ATP5PF: variants seen among roughly 807,000 people sequenced by gnomAD.
The protein encoded by ATP5PF is ATP synthase peripheral stalk subunit F6, mitochondrial.
In ATP5PF, 7 loss-of-function variants were observed where a neutral mutation model predicts 12.0. That is an observed-to-expected ratio of 0.58 (90% CI 0.33 to 1.10). The LOEUF (loss-of-function observed/expected upper bound fraction) is 1.10, where lower values mean the gene tolerates loss of function less well. ATP5PF is among the 50% of genes least tolerant of loss of function. The pLI is 0.03. For missense variants in ATP5PF, 120 were observed against 127.7 expected (o/e 0.94, Z 0.29); for synonymous variants, 41 against 45.4 (o/e 0.90, Z 0.39).
intron 1 of ATP5PF, among the ~76,000 whole-genome samples, chr21:25,730,238 G>A (rs2123449374): frequency 6.6e-6 from 1 of 152,294 alleles, no homozygotes; most frequent in East Asian, 1.9e-4. Flanking sequence ...CAGGCCCACA[G>A]AGGGAGAAAC....
intron 1 of ATP5PF, 49 bp from the exon 2 acceptor site, chr21:25,729,850 C>A (rs2123448517): frequency 3.2e-6 from 5 of 1,565,930 alleles, no homozygotes; most frequent in Non-Finnish European, 4.3e-6. Context: ...TATTATAAAT[C>A]ACCTCTAAAT....
At chr21:25,729,956 C>T (rs2034716777) in intron 1 of ATP5PF, among the ~76,000 whole-genome samples, 155 bp from the exon 2 acceptor site, 1 of 152,150 alleles carries the variant, frequency 6.6e-6, no homozygotes, top group South Asian at 2.1e-4. Context: ...CTCCTTATTC[C>T]CCATTGCAAG....
chr21:25,734,976 G>T (rs1240496120), upstream of ATP5PF: 1 of 1,563,084 alleles, frequency 6.4e-7, no homozygotes, highest in Non-Finnish European at 8.6e-7. Context: ...CGTTTCAGTC[G>T]GTCGACGCTC....
At chr21:25,725,146 A>AGTTCTCT in intron 3 of ATP5PF, 80 bp downstream of exon 3, 9 of 1,513,786 alleles carry the variant, frequency 5.9e-6, no homozygotes, top group Non-Finnish European at 8.0e-6. Context: ...ACTGTCATTC[A>AGTTCTCT]GTTCTCTAAA....
Position 25,727,842 on chromosome 21 carries a change from G to T in ATP5PF, c.164+1789C>A, listed in dbSNP as rs189444573. On this transcript the variant is annotated intron_variant, in intron 2 of 3. Coordinates refer to ENST00000284971, the MANE Select transcript of ATP5PF (RefSeq NM_001003703.2). Reference sequence around the variant, plus strand: ...TTGGCAAATTCTAACTTTCAGCCTTGGTTTTCTCATATATAAAATTGGGGT... The same window carrying T: ...TTGGCAAATTCTAACTTTCAGCCTTTGTTTTCTCATATATAAAATTGGGGT... Among the ~76,000 whole-genome samples, 3 of 152,220 alleles carry T rather than the reference G, an allele frequency of 2.0e-5. No homozygotes were observed. The East Asian group carries it at 5.8e-4, about 29-fold the overall frequency.
At position 25,724,635 on chromosome 21, in the gene ATP5PF, T is replaced by C. The variant is rs747217889; in HGVS notation, c.*5A>G. The C allele has an allele frequency of 2.5e-6, 4 of 1,602,700 alleles. No individual in the cohort carries two copies. In the African/African-American group the frequency reaches 5.4e-5, roughly 22 times the overall value. Reference sequence around the variant, plus strand: ...AAATTACCAGATTAATTTTACTTTATTTCTTCAGGCCTGGGGTTTTTCGAT... The same window carrying C: ...AAATTACCAGATTAATTTTACTTTACTTCTTCAGGCCTGGGGTTTTTCGAT... On this transcript the variant is annotated 3_prime_UTR_variant, in exon 4 of 4. Coordinates refer to ENST00000284971, the MANE Select transcript of ATP5PF (RefSeq NM_001003703.2).
chr21:25,735,275 T>C (rs1050177710), upstream of ATP5PF: 5 of 445,824 alleles, frequency 1.1e-5, no homozygotes, highest in African/African-American at 9.9e-5. Flanking sequence ...AGTGAGACTG[T>C]GTAAAACAAA....
intron 3 of ATP5PF, 96 bp from the exon 4 acceptor site, chr21:25,724,773 T>A: frequency 7.8e-7 from 1 of 1,281,672 alleles, no homozygotes; most frequent in Non-Finnish European, 1.1e-6. Context: ...TTTTCTGATT[T>A]TTTTAGTAAA....
chr21:25,733,275 A>C (rs992819552), intron 1 of ATP5PF, among the ~76,000 whole-genome samples: 3 of 152,128 alleles, frequency 2.0e-5, no homozygotes, highest in Non-Finnish European at 2.9e-5. Flanking sequence ...CACGCTTGTA[A>C]TCCCAGCACT....
chr21:25,735,113 T>C, upstream of ATP5PF: 1 of 752,948 alleles, frequency 1.3e-6, no homozygotes, highest in Non-Finnish European at 2.3e-6. Context: ...CGCCATCTTT[T>C]CTTCGCCTAA....
intron 1 of ATP5PF, among the ~76,000 whole-genome samples, chr21:25,732,985 CAAAAAAAAAAAAAAAAAA>C (rs370858284): frequency 2.1e-5 from 1 of 47,804 alleles, no homozygotes; most frequent in African/African-American, 8.4e-5. Context: ...AACTCTGTCT[CAAAAAAAAAAAAAAAAAA>C]AAAAAAAAAG....
At chr21:25,732,049 C>G (rs1158459249) in intron 1 of ATP5PF, among the ~76,000 whole-genome samples, 2 of 152,052 alleles carry the variant, frequency 1.3e-5, no homozygotes, top group African/African-American at 4.8e-5. Flanking sequence ...CTTTACCACT[C>G]AGAGTTTGAG....
At chr21:25,732,599 T>C (rs1459240615) in intron 1 of ATP5PF, among the ~76,000 whole-genome samples, 1 of 151,160 alleles carries the variant, frequency 6.6e-6, no homozygotes, top group African/African-American at 2.4e-5. Context: ...TGAGCTGTGA[T>C]TGCACCACTG....
rs1601096106 is a variant in ATP5PF at position 25,734,686 on chromosome 21, C to T, written c.-8+167G>A. The T allele has an allele frequency of 2.0e-5, 14 of 683,124 alleles. No individual in the cohort carries two copies. In the East Asian group the frequency reaches 4.0e-4, roughly 19 times the overall value. 42.3% of individuals were successfully genotyped at this position (683,124 alleles called of 1,614,324 possible). Reference sequence around the variant, plus strand: ...CTGGGTCTACGGCAAACTCCAAGGTCTACAAACGTAGAGGTCAGCTGTGAC... The same window carrying T: ...CTGGGTCTACGGCAAACTCCAAGGTTTACAAACGTAGAGGTCAGCTGTGAC... On this transcript the variant is annotated intron_variant, in intron 1 of 3. Coordinates refer to ENST00000284971, the MANE Select transcript of ATP5PF (RefSeq NM_001003703.2).
At chr21:25,728,552 G>GT (rs2123445481) in intron 2 of ATP5PF, among the ~76,000 whole-genome samples, 1 of 152,214 alleles carries the variant, frequency 6.6e-6, no homozygotes, top group South Asian at 2.1e-4. Context: ...AAAACCTAGA[G>GT]TAAACCCCTG....
At chr21:25,735,173 G>A (rs1036828982), upstream of ATP5PF, 3 of 609,892 alleles carry the variant, frequency 4.9e-6, no homozygotes, top group Non-Finnish European at 5.9e-6. Context: ...GTACGCATGC[G>A]CTCTTTGAGT....
At chr21:25,731,889 A>T (rs1002637729) in intron 1 of ATP5PF, among the ~76,000 whole-genome samples, 1 of 152,176 alleles carries the variant, frequency 6.6e-6, no homozygotes, top group East Asian at 1.9e-4. Context: ...GTTCAAGACC[A>T]GCCTGGGAAA....
chr21:25,727,373 C>G (rs567708180), intron 2 of ATP5PF, among the ~76,000 whole-genome samples: 29 of 152,290 alleles, frequency 1.9e-4, no homozygotes, highest in African/African-American at 6.7e-4. Context: ...ATGCCTAGGA[C>G]AAAGCAGTCA....
At chr21:25,728,351 C>T (rs1313739947) in intron 2 of ATP5PF, among the ~76,000 whole-genome samples, 1 of 152,210 alleles carries the variant, frequency 6.6e-6, no homozygotes, top group Admixed American at 6.5e-5. Context: ...ATTCTAACCC[C>T]ATACCATCCT....
Sources: gnomAD v4.1 joint callset for allele counts (sites outside exome capture counted in the v4.1 genomes callset) on GRCh38, gnomAD v4.1.1 for gene constraint, MANE v1.5 for transcripts, NCBI Gene and HGNC (gene_info 2026-07-23, HGNC 2026-07-21) for gene names.